Variants in MYO3B observed in about 807,000 individuals in gnomAD.
MYO3B encodes myosin IIIB.
MYO3B carries 156 observed loss-of-function variants against 174.6 expected under a neutral mutation model. The ratio of observed to expected loss-of-function variants is 0.89; its 90% CI spans 0.78 to 1.02. The LOEUF (loss-of-function observed/expected upper bound fraction) is 1.02, where lower values mean the gene tolerates loss of function less well. Among genes scored for constraint, MYO3B ranks in the 50% least tolerant of loss-of-function variants. The pLI is 0.00. For synonymous variants in MYO3B, 563 were observed against 569.1 expected, an observed-to-expected ratio of 0.99 and a Z score of 0.15; for missense variants, 1,632 against 1,639.4, an observed-to-expected ratio of 1.00 and a Z score of 0.08.
rs996581918 is a variant in MYO3B, at chr2:170,407,029, T to G, written c.2521-686T>G. Among the ~76,000 whole-genome samples the G allele has an allele frequency of 2.0e-5, 3 of 152,186 alleles. No homozygotes were observed. In the East Asian group the frequency reaches 5.8e-4, roughly 29 times the overall value. On this transcript the variant is annotated intron_variant, in intron 21 of 34. Coordinates refer to ENST00000408978, the MANE Select transcript of MYO3B (RefSeq NM_138995.5). The stretch of plus-strand genomic sequence containing the variant: ...ACCGTGGGCACATTACTCAGCCTCT[T>G]CCTAAGTCTCTGCCTGCCTACCAGT...
intron 6 of MYO3B, among the ~76,000 whole-genome samples, chr2:170,232,768 GC>G (rs1559320779): frequency 1.3e-5 from 2 of 152,110 alleles, no homozygotes; most frequent in African/African-American, 4.8e-5. Context: ...TCTTCCCAGG[GC>G]CTACTATCAT....
intron 1 of MYO3B, among the ~76,000 whole-genome samples, chr2:170,182,982 C>T (rs1360305121): frequency 2.0e-5 from 3 of 151,136 alleles, no homozygotes; most frequent in Non-Finnish European, 4.4e-5. Flanking sequence ...AGCGGCTGGG[C>T]GCTGTGGCTC....
chr2:170,240,117 C>T (rs1369867414), intron 7 of MYO3B, among the ~76,000 whole-genome samples: 1 of 152,170 alleles, frequency 6.6e-6, no homozygotes, highest in Non-Finnish European at 1.5e-5. Flanking sequence ...AGGATAATTT[C>T]ATCTGGGGAT....
chr2:170,234,840 A>G (rs1214667075), intron 6 of MYO3B, among the ~76,000 whole-genome samples: 1 of 152,182 alleles, frequency 6.6e-6, no homozygotes, highest in East Asian at 1.9e-4. Context: ...AATTATACCT[A>G]GAATCTGATT....
At chr2:170,476,603 C>A (rs1363992280) in intron 25 of MYO3B, among the ~76,000 whole-genome samples, 1 of 151,978 alleles carries the variant, frequency 6.6e-6, no homozygotes, top group Non-Finnish European at 1.5e-5. Flanking sequence ...CCTTCAGATA[C>A]TCCTTCTATT....
chr2:170,641,738 TGCTTA>T (rs1276463709), intron 32 of MYO3B, among the ~76,000 whole-genome samples: 3 of 152,130 alleles, frequency 2.0e-5, no homozygotes, highest in Admixed American at 6.5e-5. Context: ...AACTTTTCAC[TGCTTA>T]ACTTATTTGA....
chr2:170,511,287 C>T (rs928988712), intron 28 of MYO3B, among the ~76,000 whole-genome samples: 7 of 151,428 alleles, frequency 4.6e-5, no homozygotes, highest in Non-Finnish European at 1.0e-4. Flanking sequence ...AGGATGGTCT[C>T]GATCTCCTGA....
chr2:170,249,541 A>G (rs1282452545), intron 7 of MYO3B, among the ~76,000 whole-genome samples: 1 of 152,246 alleles, frequency 6.6e-6, no homozygotes, highest in Admixed American at 6.5e-5. Context: ...TGGAGTGCAG[A>G]CAGAAAATAT....
At chr2:170,264,247 C>T (rs747040185) in intron 7 of MYO3B, among the ~76,000 whole-genome samples, 11 of 152,188 alleles carry the variant, frequency 7.2e-5, no homozygotes, top group South Asian at 6.2e-4. Context: ...TTCTTTTCCC[C>T]ACATTCGTTT....
At chr2:170,228,475 G>C (rs1044899757) in intron 6 of MYO3B, among the ~76,000 whole-genome samples, 2 of 152,180 alleles carry the variant, frequency 1.3e-5, no homozygotes, top group Non-Finnish European at 2.9e-5. Flanking sequence ...GAGTACCAAG[G>C]ACACATACGA....
At chr2:170,295,554 A>G (rs1037802195) in intron 7 of MYO3B, among the ~76,000 whole-genome samples, 5 of 152,050 alleles carry the variant, frequency 3.3e-5, no homozygotes, top group Middle Eastern at 3.2e-3. Context: ...CAATTCATCC[A>G]TGTATTCTAT....
intron 7 of MYO3B, among the ~76,000 whole-genome samples, chr2:170,251,621 C>T (rs1239003649): frequency 6.6e-6 from 1 of 152,120 alleles, no homozygotes. Flanking sequence ...CCTGGGCTAC[C>T]AGAAGCTGAA....
intron 8 of MYO3B, among the ~76,000 whole-genome samples, chr2:170,341,864 G>A (rs1384134661): frequency 2.0e-5 from 3 of 151,948 alleles, no homozygotes; most frequent in Non-Finnish European, 4.4e-5. Context: ...ACACACCAAG[G>A]GCCTGATTTG....
rs569549299 is a variant in MYO3B at position 170,358,108 on chromosome 2, C to T, written c.816-11114C>T. 2.0e-5 allele frequency among the ~76,000 whole-genome samples: 3 copies of T among 151,020 alleles called. No homozygotes were observed. The East Asian group carries it at 5.9e-4, about 29-fold the overall frequency. Reference sequence around the variant, plus strand: ...CAGAGGTTGCGGTGAGCCGAGATCGCACCATTGCACTCCAGCCTGGGCAAC... The same window carrying T: ...CAGAGGTTGCGGTGAGCCGAGATCGTACCATTGCACTCCAGCCTGGGCAAC... On this transcript the variant is annotated intron_variant, in intron 8 of 34. Transcript: ENST00000408978.
In MYO3B at chr2:170,401,547, C is replaced by G. The variant is rs749848396; in HGVS notation, c.1985C>G (p.Thr662Ser). ...QEALTSHCVV[T>S]RGETIIRANT... Reference sequence around the variant, plus strand: ...GCCCTCACCTCCCACTGTGTGGTCACCCGGGGCGAGACCATCATCCGTGCC... The same window carrying G: ...GCCCTCACCTCCCACTGTGTGGTCAGCCGGGGCGAGACCATCATCCGTGCC... The change falls in exon 18 of 35, where the codon ACC becomes AGC. Residue 662 changes from threonine (T) to serine (S), a missense_variant. Physicochemically the swap from Thr to Ser is moderately conservative, Grantham distance 58. Coordinates refer to ENST00000408978, the MANE Select transcript of MYO3B (RefSeq NM_138995.5). 3.5e-5 allele frequency: 56 copies of G among 1,614,064 alleles called. No individual in the cohort carries two copies. The highest frequency in any genetic ancestry group is 4.6e-5 in the Non-Finnish European group (54 of 1,180,042).
chr2:170,525,247 G>A (rs1688927129), intron 30 of MYO3B, among the ~76,000 whole-genome samples: 1 of 152,192 alleles, frequency 6.6e-6, no homozygotes, highest in Non-Finnish European at 1.5e-5. Context: ...GAAAGTAAAA[G>A]TGAGTGGTTG....
chr2:170,540,986 C>T (rs1690068813), intron 30 of MYO3B, among the ~76,000 whole-genome samples: 1 of 152,124 alleles, frequency 6.6e-6, no homozygotes. Flanking sequence ...AGACACTACT[C>T]CCTGACCTCT....
At chr2:170,181,448 T>G (rs1237713656) in intron 1 of MYO3B, among the ~76,000 whole-genome samples, 1 of 152,120 alleles carries the variant, frequency 6.6e-6, no homozygotes, top group Non-Finnish European at 1.5e-5. Context: ...CTTGACTTAT[T>G]ATTCTGGCTT....
At chr2:170,440,021 T>C (rs2094787646) in intron 22 of MYO3B, among the ~76,000 whole-genome samples, 1 of 152,234 alleles carries the variant, frequency 6.6e-6, no homozygotes, top group Non-Finnish European at 1.5e-5. Context: ...GCCATTTTGA[T>C]ATGATTTTTG....
Sources: gnomAD v4.1 joint callset for allele counts (sites outside exome capture counted in the v4.1 genomes callset) on GRCh38, gnomAD v4.1.1 for gene constraint, MANE v1.5 for transcripts, NCBI Gene and HGNC (gene_info 2026-07-23, HGNC 2026-07-21) for gene names.